Variants in TSHZ3 observed in about 807,000 individuals in gnomAD.
The protein encoded by TSHZ3 is teashirt homolog 3.
Under a neutral mutation model 64.5 loss-of-function variants are expected in TSHZ3, and 10 were observed. The observed-to-expected ratio is 0.16, with a 90% CI of 0.10 to 0.26. The LOEUF (loss-of-function observed/expected upper bound fraction) is 0.26, where lower values mean the gene tolerates loss of function less well. Ranked by LOEUF, TSHZ3 falls within the 10% of genes least tolerant of loss-of-function variation. The pLI is 1.00. For synonymous variants in TSHZ3, 608 were observed against 593.1 expected, an observed-to-expected ratio of 1.03 and a Z score of -0.36; for missense variants, 1,242 against 1,421.7, an observed-to-expected ratio of 0.87 and a Z score of 2.03.
Position 31,185,156 on chromosome 19 carries a change from T to A in TSHZ3, n.809+19800A>T, listed in dbSNP as rs993593968. ...AATGCAGAGCGAGGAAAGCTCCAGC[T>A]CTCCCTTCCCTTCCGCCAGTGGCCG... On this transcript the variant is annotated intron_variant and non_coding_transcript_variant, in intron 5 of 6. Transcript: ENST00000651361. Among the ~76,000 whole-genome samples, 55 of 150,048 alleles carry A rather than the reference T, an allele frequency of 3.7e-4. 1 individual carries two copies. Among genetic ancestry groups the A allele is most frequent in the South Asian group, 2.1e-4 (1 of 4,780 alleles).
At chr19:31,289,746 C>T (rs1055605798) in intron 1 of TSHZ3, among the ~76,000 whole-genome samples, 1 of 152,122 alleles carries the variant, frequency 6.6e-6, no homozygotes, top group Admixed American at 6.5e-5. Context: ...CCTGTAGCCC[C>T]TAGCCCCCAA....
chr19:31,206,332 G>C (rs1201996469), intron 4 of TSHZ3, among the ~76,000 whole-genome samples: 1 of 152,056 alleles, frequency 6.6e-6, no homozygotes, highest in African/African-American at 2.4e-5. Context: ...TGGATAGATG[G>C]ATGAGAGAAT....
chr19:31,168,090 C>T (rs1974480755), intron 5 of TSHZ3, among the ~76,000 whole-genome samples: 1 of 151,876 alleles, frequency 6.6e-6, no homozygotes, highest in Non-Finnish European at 1.5e-5. Context: ...GCCACCTTTT[C>T]TCAGTGTTAA....
intron 1 of TSHZ3, among the ~76,000 whole-genome samples, chr19:31,291,073 T>A (rs1976556716): frequency 6.6e-6 from 1 of 152,216 alleles, no homozygotes. Flanking sequence ...CACCATGCTT[T>A]AGCACAGCCC....
intron 5 of TSHZ3, among the ~76,000 whole-genome samples, chr19:31,157,847 G>A (rs1446311648): frequency 3.9e-5 from 6 of 152,174 alleles, no homozygotes; most frequent in African/African-American, 7.2e-5. Flanking sequence ...TGCTCCCAAG[G>A]GAGGTAGGCA....
chr19:31,206,913 C>A (rs1975186606), intron 4 of TSHZ3, among the ~76,000 whole-genome samples: 1 of 152,178 alleles, frequency 6.6e-6, no homozygotes, highest in African/African-American at 2.4e-5. Flanking sequence ...TCTGCCCCAA[C>A]TTTCTAGTGT....
At chr19:31,220,109 G>T (rs1250648634) in intron 4 of TSHZ3, among the ~76,000 whole-genome samples, 3 of 152,090 alleles carry the variant, frequency 2.0e-5, no homozygotes, top group African/African-American at 7.2e-5. Context: ...TAGAACAACT[G>T]GATATCTGTA....
At chr19:31,320,219 G>A (rs1476728179) in intron 1 of TSHZ3, among the ~76,000 whole-genome samples, 2 of 152,148 alleles carry the variant, frequency 1.3e-5, no homozygotes, top group Non-Finnish European at 1.5e-5. Flanking sequence ...TCAGGCAGGC[G>A]GTGGGTAAAT....
intron 4 of TSHZ3, among the ~76,000 whole-genome samples, chr19:31,206,394 C>A (rs997997807): frequency 6.6e-6 from 1 of 151,964 alleles, no homozygotes; most frequent in African/African-American, 2.4e-5. Flanking sequence ...GATGGATGGA[C>A]AGATTGATTT....
At chr19:31,247,597 G>T (rs1435819655) in intron 1 of TSHZ3, among the ~76,000 whole-genome samples, 1 of 152,170 alleles carries the variant, frequency 6.6e-6, no homozygotes, top group Admixed American at 6.5e-5. Flanking sequence ...GGCAACTCAC[G>T]ATCTGTGATT....
chr19:31,301,222 G>A (rs745808479), intron 1 of TSHZ3, among the ~76,000 whole-genome samples: 3 of 152,072 alleles, frequency 2.0e-5, no homozygotes, highest in Non-Finnish European at 2.9e-5. Flanking sequence ...GGGTGGTGCA[G>A]ACTCAGAGAT....
intron 1 of TSHZ3, among the ~76,000 whole-genome samples, chr19:31,262,202 G>A (rs561967527): frequency 6.6e-6 from 1 of 152,170 alleles, no homozygotes; most frequent in Non-Finnish European, 1.5e-5. Context: ...AGCTTTACCC[G>A]TGTTGCCAAA....
intron 4 of TSHZ3, among the ~76,000 whole-genome samples, chr19:31,219,887 A>G (rs913928471): frequency 7.3e-5 from 11 of 150,412 alleles, no homozygotes; most frequent in African/African-American, 2.4e-4. Context: ...ATAATTGAAT[A>G]TATATGGAAT....
At chr19:31,174,079 C>G (rs1974574639) in intron 5 of TSHZ3, among the ~76,000 whole-genome samples, 2 of 152,122 alleles carry the variant, frequency 1.3e-5, no homozygotes, top group Non-Finnish European at 2.9e-5. Flanking sequence ...AAAATAAAAA[C>G]AAACAAACAA....
At chr19:31,188,516 TTATGAA>T (rs1229624584) in intron 5 of TSHZ3, among the ~76,000 whole-genome samples, 1 of 151,986 alleles carries the variant, frequency 6.6e-6, no homozygotes, top group African/African-American at 2.4e-5. Flanking sequence ...AAAAGTTTTT[TTATGAA>T]TAAGTGTTGA....
chr19:31,266,580 C>A (rs1599612554), intron 1 of TSHZ3, among the ~76,000 whole-genome samples: 1 of 152,058 alleles, frequency 6.6e-6, no homozygotes, highest in East Asian at 1.9e-4. Flanking sequence ...CATCCCAGAC[C>A]ATAACCCTAA....
At chr19:31,173,117 C>A (rs1974558891) in intron 5 of TSHZ3, among the ~76,000 whole-genome samples, 1 of 152,184 alleles carries the variant, frequency 6.6e-6, no homozygotes, top group South Asian at 2.1e-4. Context: ...GATCCAATGA[C>A]CATGTGGTGG....
chr19:31,340,044 C>T (rs1210238009), intron 1 of TSHZ3, among the ~76,000 whole-genome samples: 4 of 151,990 alleles, frequency 2.6e-5, no homozygotes, highest in African/African-American at 9.7e-5. Flanking sequence ...AGCTTGACAT[C>T]TGCATAGTAA....
chr19:31,217,226 A>G (rs1408160467), intron 4 of TSHZ3, among the ~76,000 whole-genome samples: 3 of 152,226 alleles, frequency 2.0e-5, no homozygotes, highest in Non-Finnish European at 4.4e-5. Flanking sequence ...CAGAGGAACA[A>G]CAAGGACAAA....
Sources: allele counts gnomAD v4.1 joint callset (sites outside exome capture counted in the v4.1 genomes callset), GRCh38; gene constraint gnomAD v4.1.1; transcripts MANE v1.5; gene names NCBI Gene and HGNC (gene_info 2026-07-23, HGNC 2026-07-21).